RITA1: variants seen among roughly 807,000 people sequenced by gnomAD.
The protein encoded by RITA1 is RBPJ interacting and tubulin associated 1, also known as RBPJ-interacting and tubulin-associated protein 1.
Under a neutral mutation model 8.7 loss-of-function variants are expected in RITA1, and 15 were observed. The observed-to-expected ratio is 1.72, with a 90% CI of 1.15 to 2.65. The LOEUF (loss-of-function observed/expected upper bound fraction) is 2.65, where lower values mean the gene tolerates loss of function less well. Among genes scored for constraint, RITA1 ranks in the 30% most tolerant of loss-of-function variants. RITA1 has a pLI of 0.00. For missense variants in RITA1, 330 were observed against 363.8 expected, an observed-to-expected ratio of 0.91 and a Z score of 0.76; for synonymous variants, 145 against 156.2, an observed-to-expected ratio of 0.93 and a Z score of 0.53.
rs941546908 is a variant in RITA1, at chr12:113,188,590, C to G, written c.302+1542C>G. Among the ~76,000 whole-genome samples the G allele has an allele frequency of 4.6e-5, 7 of 151,924 alleles. 1 individual carries two copies. The highest frequency in any genetic ancestry group is 8.8e-5 in the Non-Finnish European group (6 of 67,994). On this transcript the variant is annotated intron_variant, in intron 3 of 3. Transcript: ENST00000548278. ...GCAGGTTTGGTTTCTCCTGAGGCCT[C>G]TCTCCTTGGCTTGCAGTTGGCCACG... is the stretch of plus-strand genomic sequence containing the variant.
chr12:113,186,114 C>T (rs1952533504), intron 1 of RITA1, 71 bp from the exon 2 acceptor site: 27 of 1,510,586 alleles, frequency 1.8e-5, no homozygotes, highest in East Asian at 2.5e-5. Context: ...GTGGGGGCGG[C>T]GGTGATCTCC....
chr12:113,186,627 C>T lies in RITA1; in HGVS notation c.-64-56C>T, dbSNP rs991290021. On this transcript the variant is annotated intron_variant, in intron 2 of 3. Transcript: ENST00000548278. Reference sequence around the variant, plus strand: ...GATGAGAACTTCAGACACTACCGGTCTTCCTCCATTAGCACTTCTGTGGCT... The same window carrying T: ...GATGAGAACTTCAGACACTACCGGTTTTCCTCCATTAGCACTTCTGTGGCT... 4.7e-6 allele frequency: 7 copies of T among 1,480,588 alleles called. No individual in the cohort carries two copies. In the African/African-American group the frequency reaches 5.6e-5, roughly 12 times the overall value. 91.7% of individuals were successfully genotyped at this position (1,480,588 alleles called of 1,614,324 possible).
At chr12:113,187,233 G>C in intron 3 of RITA1, 185 bp downstream of exon 3, 1 of 642,026 alleles carries the variant, frequency 1.6e-6, no homozygotes, top group Non-Finnish European at 2.6e-6. Context: ...TTAAATGAGA[G>C]AGGGGTCTGC....
Position 113,191,326 on chromosome 12 carries a change from C to A in RITA1, c.319C>A (p.Pro107Thr). 1 of 1,531,734 alleles carries A rather than the reference C, an allele frequency of 6.5e-7. No homozygotes were observed. Among genetic ancestry groups the A allele is most frequent in the Non-Finnish European group, 8.8e-7 (1 of 1,136,842 alleles). The allele number at this position is 1,531,734 out of a possible 1,614,324, so 94.9% of individuals were successfully genotyped here. The part of the protein sequence containing the change: ...KNKYRPISHT[P>T]SYCDESLFGS... Reference sequence around the variant, plus strand: ...ATTTGCCAGACCCATCAGCCACACCCCGTCTTACTGTGATGAGTCGCTGTT... The same window carrying A: ...ATTTGCCAGACCCATCAGCCACACCACGTCTTACTGTGATGAGTCGCTGTT... Residue 107 changes from proline (P) to threonine (T), a missense_variant, in exon 4 of 4, where the codon CCG (proline) becomes ACG (threonine). Coordinates refer to ENST00000548278, the MANE Select transcript of RITA1 (RefSeq NM_032848.3). This position sits in a 1 kb window ranked among gnomAD's most constrained non-coding sequence, Gnocchi z 4.0.
chr12:113,187,757 C>A (rs867084079), intron 3 of RITA1, among the ~76,000 whole-genome samples: 1,688 of 108,244 alleles, frequency 0.016, no homozygotes, highest in Non-Finnish European at 0.017. Context: ...ACCCTGTCTC[C>A]AAAAAAAAAA....
intron 3 of RITA1, among the ~76,000 whole-genome samples, chr12:113,190,877 T>C (rs1164470598): frequency 6.6e-6 from 1 of 152,184 alleles, no homozygotes; most frequent in Non-Finnish European, 1.5e-5. Context: ...CAAGCTGCTT[T>C]GGGCTGACAT....
At chr12:113,187,757 C>CA (rs34828582) in intron 3 of RITA1, among the ~76,000 whole-genome samples, 89,074 of 108,554 alleles carry the variant, frequency 0.82, 36,251 homozygotes, top group South Asian at 0.87. Context: ...ACCCTGTCTC[C>CA]AAAAAAAAAA....
Position 113,192,330 on chromosome 12 carries a change from T to A in RITA1, c.*513T>A, listed in dbSNP as rs1952618584. ...GTTTCATCTTAATATGCTTCTGAATTTATTTTCATGTACTAAATAGATCAG... is the reference window on the plus strand; with the variant it reads ...GTTTCATCTTAATATGCTTCTGAATATATTTTCATGTACTAAATAGATCAG... On this transcript the variant is annotated 3_prime_UTR_variant, in exon 4 of 4. Transcript: ENST00000548278. 1 of 156,180 alleles carries A rather than the reference T, an allele frequency of 6.4e-6. No homozygotes were observed. Among genetic ancestry groups the A allele is most frequent in the Non-Finnish European group, 1.4e-5 (1 of 70,572 alleles). 9.7% of individuals were successfully genotyped at this position (156,180 alleles called of 1,614,324 possible). A position where few individuals can be genotyped will look rare whatever the true frequency, so the allele number is the denominator to read the frequency against.
chr12:113,186,417 G>A (rs535162088), intron 2 of RITA1, 101 bp downstream of exon 2: 66 of 1,372,558 alleles, frequency 4.8e-5, no homozygotes, highest in South Asian at 1.3e-4. Flanking sequence ...TTTCTGGTTG[G>A]TGCCTAAATA....
In RITA1 at chr12:113,188,786, CCTTTTTTTTTTTTTTTTTT is replaced by C. The variant is rs1412388001; in HGVS notation, c.302+1739_302+1757del. Among the ~76,000 whole-genome samples, 395 of 64,298 alleles carry C rather than the reference CCTTTTTTTTTTTTTTTTTT, an allele frequency of 6.1e-3. 14 individuals carry two copies. Among genetic ancestry groups the C allele is most frequent in the Middle Eastern group, 0.03 (2 of 66 alleles). 42.2% of individuals were successfully genotyped at this position (64,298 alleles called of 152,430 possible). On this transcript the variant is annotated intron_variant, in intron 3 of 3. Coordinates refer to ENST00000548278, the MANE Select transcript of RITA1 (RefSeq NM_032848.3). ...TTATAATGTTATTTAGCCTTAGTTACCTTTTTTTTTTTTTTTTTTTTTTTTTTTTTTTTTTTTTTTTTGA... is the reference window on the plus strand; with the variant it reads ...TTATAATGTTATTTAGCCTTAGTTACTTTTTTTTTTTTTTTTTTTTTTTGA...
Position 113,191,510 on chromosome 12 carries a change from G to C in RITA1, c.503G>C (p.Gly168Ala). The C allele has an allele frequency of 2.5e-6, 4 of 1,607,904 alleles. No individual in the cohort carries two copies. The South Asian group carries it at 4.4e-5, about 18-fold the overall frequency. ...CCACTGCGAGCCATTCACCCAGCTG[G>C]TCCCTCCAAGACAGAGCCGGGGCCA... is the stretch of plus-strand genomic sequence containing the variant. ...EAPLRAIHPA[G>A]PSKTEPGPAA... Residue 168 changes from glycine (G) to alanine (A), a missense_variant, in exon 4 of 4, where the codon GGT becomes GCT. Coordinates refer to ENST00000548278, the MANE Select transcript of RITA1 (RefSeq NM_032848.3). This position sits in a 1 kb window ranked among gnomAD's most constrained non-coding sequence, Gnocchi z 4.0.
chr12:113,191,419 C>T lies in RITA1; in HGVS notation c.412C>T (p.Arg138Cys), dbSNP rs371991798. ...RMAKGDAAKL[R>C]ALLWTPPPTP... ...GGCGAAGGGGGATGCCGCAAAGCTC[C>T]GTGCTCTCTTGTGGACGCCACCACC... Residue 138 changes from arginine to cysteine, a missense_variant, in exon 4 of 4, where the codon CGT becomes TGT. Arg to Cys is a radical substitution (Grantham distance 180). Coordinates refer to ENST00000548278, the MANE Select transcript of RITA1 (RefSeq NM_032848.3). The surrounding 1 kb of genome is among the most constrained non-coding windows in gnomAD (Gnocchi z 4.0). The T allele has an allele frequency of 5.9e-5, 95 of 1,609,536 alleles. No individual in the cohort carries two copies. Among genetic ancestry groups the T allele is most frequent in the Non-Finnish European group, 6.8e-5 (80 of 1,177,074 alleles).
rs985086413 is a variant in RITA1 at position 113,188,691 on chromosome 12, T to A, written c.302+1643T>A. 6.0e-5 allele frequency among the ~76,000 whole-genome samples: 9 copies of A among 149,898 alleles called. No homozygotes were observed. In the East Asian group the frequency reaches 6.0e-4, roughly 10 times the overall value. ...ATTACATGCAAGGGCCTTTTCTGTA[T>A]ACACACACACCCCTGATGTCTCTTC... On this transcript the variant is annotated intron_variant, in intron 3 of 3. Transcript: ENST00000548278.
In RITA1 at chr12:113,191,035, A is replaced by G. The variant is rs1451761201; in HGVS notation, c.303-275A>G. 6.6e-6 allele frequency among the ~76,000 whole-genome samples: 1 copy of G among 152,174 alleles called. No individual in the cohort carries two copies. Among genetic ancestry groups the G allele is most frequent in the East Asian group, 1.9e-4 (1 of 5,196 alleles). On this transcript the variant is annotated intron_variant, in intron 3 of 3. Transcript: ENST00000548278. The surrounding 1 kb of genome is among the most constrained non-coding windows in gnomAD (Gnocchi z 4.0). ...CAATCCATGTGGCCAGGAGGATGGA[A>G]TATGCAAATTGTCCAGGCCTGGGGC...
intron 3 of RITA1, among the ~76,000 whole-genome samples, chr12:113,188,344 G>C (rs575500546): frequency 4.6e-5 from 7 of 151,534 alleles, no homozygotes; most frequent in Admixed American, 1.3e-4. Context: ...CACCCTCCCT[G>C]GTAGCTGGGA....
chr12:113,187,255 C>A (rs933414627), intron 3 of RITA1: 1 of 548,856 alleles, frequency 1.8e-6, no homozygotes, highest in African/African-American at 1.9e-5. Flanking sequence ...GTGCTTCGCA[C>A]AGTAACCTAA....
At position 113,185,907 on chromosome 12, in the gene RITA1, G is replaced by A. The variant is rs1952530356; in HGVS notation, c.-311G>A. 1 of 1,460,960 alleles carries A rather than the reference G, an allele frequency of 6.8e-7. No individual in the cohort carries two copies. The highest frequency in any genetic ancestry group is 1.4e-5 in the African/African-American group (1 of 71,190). 90.5% of individuals were successfully genotyped at this position (1,460,960 alleles called of 1,614,324 possible). A position where few individuals can be genotyped will look rare whatever the true frequency, so the allele number is the denominator to read the frequency against. On this transcript the variant is annotated 5_prime_UTR_variant, in exon 1 of 4. Coordinates refer to ENST00000548278, the MANE Select transcript of RITA1 (RefSeq NM_032848.3). ...GCATTCCGGGCTGCAGATTGACGGG[G>A]ATCCCGGATGCACCGCGCGCCCCCG...
intron 3 of RITA1, among the ~76,000 whole-genome samples, chr12:113,190,318 C>G (rs147597186): frequency 6.6e-6 from 1 of 150,780 alleles, no homozygotes; most frequent in African/African-American, 2.4e-5. Context: ...GGTGACAGAG[C>G]GAGACTCTGT....
chr12:113,187,160 GA>G, intron 3 of RITA1, 112 bp downstream of exon 3: 3 of 1,170,448 alleles, frequency 2.6e-6, no homozygotes, highest in Non-Finnish European at 3.5e-6. Context: ...TGACCTCTCT[GA>G]GCCAGTTTAC....
Sources: gnomAD v4.1 joint callset for allele counts (sites outside exome capture counted in the v4.1 genomes callset) on GRCh38, gnomAD v4.1.1 for gene constraint, Gnocchi (gnomAD v3.1) non-coding constraint, MANE v1.5 for transcripts, NCBI Gene and HGNC (gene_info 2026-07-23, HGNC 2026-07-21) for gene names.